Variants in DOCK3 observed in about 807,000 individuals in gnomAD.
The protein encoded by DOCK3 is dedicator of cytokinesis 3, also known as dedicator of cytokinesis protein 3.
Under a neutral mutation model 265.6 loss-of-function variants are expected in DOCK3, and 60 were observed. The ratio of observed to expected loss-of-function variants is 0.23; its 90% CI spans 0.18 to 0.28. DOCK3 has a LOEUF of 0.28. DOCK3 is among the 10% of genes least tolerant of loss of function. The pLI, the probability that DOCK3 is intolerant of heterozygous loss-of-function variation, is 1.00. For missense variants in DOCK3, 1,981 were observed against 2,594.3 expected (o/e 0.76, Z 5.14); for synonymous variants, 881 against 938.0 (o/e 0.94, Z 1.11).
intron 3 of DOCK3, among the ~76,000 whole-genome samples, chr3:50,883,253 AC>A (rs1482384356): frequency 1.3e-5 from 2 of 151,998 alleles, no homozygotes; most frequent in African/African-American, 4.8e-5. Flanking sequence ...GTACCCTAGA[AC>A]TTGAAGTATT....
chr3:50,786,992 T>A, intron 2 of DOCK3: 2 of 742,076 alleles, frequency 2.7e-6, no homozygotes, highest in South Asian at 2.7e-5. Flanking sequence ...TTTTCGCACA[T>A]GAGCCATGGC....
chr3:50,988,701 T>A (rs1382999465), intron 5 of DOCK3, among the ~76,000 whole-genome samples: 1 of 152,150 alleles, frequency 6.6e-6, no homozygotes, highest in African/African-American at 2.4e-5. Flanking sequence ...CCGTCACTTG[T>A]GACACCTCCA....
chr3:51,265,518 C>T (rs1472444658), intron 23 of DOCK3, among the ~76,000 whole-genome samples: 2 of 152,206 alleles, frequency 1.3e-5, no homozygotes, highest in African/African-American at 2.4e-5. Context: ...AAGTCAGCTT[C>T]ATCCCTGGGA....
chr3:50,974,825 G>A (rs1446586553), intron 5 of DOCK3, among the ~76,000 whole-genome samples: 1 of 142,904 alleles, frequency 7.0e-6, no homozygotes, highest in Non-Finnish European at 1.5e-5. Context: ...TTGAGCAGTG[G>A]TTTGTAGTTC....
At chr3:50,994,476 A>G (rs1241362637) in intron 5 of DOCK3, among the ~76,000 whole-genome samples, 5 of 152,226 alleles carry the variant, frequency 3.3e-5, no homozygotes, top group Admixed American at 6.5e-5. Context: ...GTGTGATGTC[A>G]AAGTTGTGCT....
chr3:50,788,239 G>A, intron 2 of DOCK3: 2 of 709,448 alleles, frequency 2.8e-6, no homozygotes, highest in Admixed American at 3.1e-5. Context: ...TACAGGCACA[G>A]CACAGTTTTC....
At chr3:50,956,086 G>A (rs2076722209) in intron 5 of DOCK3, among the ~76,000 whole-genome samples, 1 of 149,846 alleles carries the variant, frequency 6.7e-6, no homozygotes, top group Non-Finnish European at 1.5e-5. Context: ...TTAAAATGCT[G>A]GTCAGCCACC....
At chr3:51,194,501 T>C (rs2088149352) in intron 12 of DOCK3, among the ~76,000 whole-genome samples, 1 of 152,246 alleles carries the variant, frequency 6.6e-6, no homozygotes, top group African/African-American at 2.4e-5. Context: ...GAGAGTGGAA[T>C]GTTGAAGTCC....
intron 23 of DOCK3, among the ~76,000 whole-genome samples, chr3:51,260,577 C>G (rs1367020530): frequency 6.6e-6 from 1 of 152,188 alleles, no homozygotes; most frequent in African/African-American, 2.4e-5. Context: ...GTTCTGTGAA[C>G]AGTCTTTAGA....
chr3:50,936,486 C>A (rs2051369566), intron 5 of DOCK3, among the ~76,000 whole-genome samples: 1 of 151,684 alleles, frequency 6.6e-6, no homozygotes, highest in Non-Finnish European at 1.5e-5. Flanking sequence ...GGGAAAACCC[C>A]AAAGAAATCT....
intron 5 of DOCK3, among the ~76,000 whole-genome samples, chr3:50,986,526 T>C (rs1292107461): frequency 6.6e-6 from 1 of 152,216 alleles, no homozygotes; most frequent in Non-Finnish European, 1.5e-5. Flanking sequence ...TACAGGATTT[T>C]TTAGGCCCAT....
At chr3:51,266,066 C>T (rs1012062807) in intron 23 of DOCK3, among the ~76,000 whole-genome samples, 11 of 152,132 alleles carry the variant, frequency 7.2e-5, no homozygotes, top group South Asian at 2.1e-4. Flanking sequence ...CATGAGTGAA[C>T]GCCCCTTTAC....
In DOCK3 at chr3:50,715,451, T is replaced by C. The variant is rs2037043124; in HGVS notation, c.37+40151T>C. 2.0e-5 allele frequency among the ~76,000 whole-genome samples: 3 copies of C among 151,948 alleles called. No homozygotes were observed. In the South Asian group the frequency reaches 6.2e-4, roughly 32 times the overall value. ...CTGTAGTAACAGCTACTCTGGAGGC[T>C]GAGGTGGGAGGATCACTTGAGCCTT... On this transcript the variant is annotated intron_variant, in intron 1 of 52. Transcript: ENST00000266037.
intron 49 of DOCK3, among the ~76,000 whole-genome samples, chr3:51,369,597 C>T (rs2087525349): frequency 6.6e-6 from 1 of 151,926 alleles, no homozygotes; most frequent in African/African-American, 2.4e-5. Context: ...CTTGGGAAGT[C>T]ATTAAGAAAA....
intron 4 of DOCK3, among the ~76,000 whole-genome samples, chr3:50,924,514 G>A (rs2108069897): frequency 6.6e-6 from 1 of 152,312 alleles, no homozygotes; most frequent in Non-Finnish European, 1.5e-5. Flanking sequence ...CAGTGTTATG[G>A]CAAATAGGGT....
At chr3:51,379,545 C>A (rs1260802599) in intron 51 of DOCK3, 3 of 985,474 alleles carry the variant, frequency 3.0e-6, no homozygotes, top group Non-Finnish European at 3.6e-6. Context: ...CTGGCCCCCC[C>A]AGTGCCTCCC....
At chr3:50,970,891 TTATATATATATATATATATATATA>T (rs55749209) in intron 5 of DOCK3, among the ~76,000 whole-genome samples, 813 of 12,180 alleles carry the variant, frequency 0.067, 33 homozygotes, top group African/African-American at 0.1. Context: ...CATCTAATTT[TTATATATATATATATATATATATA>T]TATATATATA....
intron 1 of DOCK3, among the ~76,000 whole-genome samples, chr3:50,677,527 T>C (rs1482291588): frequency 6.6e-6 from 1 of 152,230 alleles, no homozygotes; most frequent in Admixed American, 6.5e-5. Flanking sequence ...GAGTTTCAGC[T>C]TTGATTTTTA....
intron 9 of DOCK3, among the ~76,000 whole-genome samples, chr3:51,096,561 C>T (rs898346603): frequency 6.6e-5 from 10 of 152,116 alleles, no homozygotes; most frequent in African/African-American, 1.9e-4. Context: ...TTTCAAGGTT[C>T]TTAGCTTCCT....
Sources: allele counts gnomAD v4.1 joint callset (sites outside exome capture counted in the v4.1 genomes callset), GRCh38; gene constraint gnomAD v4.1.1; transcripts MANE v1.5; gene names NCBI Gene and HGNC (gene_info 2026-07-23, HGNC 2026-07-21).